CLVS1: variants seen among roughly 807,000 people sequenced by gnomAD.
CLVS1 encodes the protein clavesin-1.
A neutral mutation model predicts 33.1 loss-of-function variants in CLVS1; 10 were observed. The observed-to-expected ratio is 0.30, with a 90% CI of 0.19 to 0.51. The LOEUF (loss-of-function observed/expected upper bound fraction) is 0.51, where lower values mean the gene tolerates loss of function less well. Ranked by LOEUF, CLVS1 falls within the 20% of genes least tolerant of loss-of-function variation. CLVS1 has a pLI of 0.97. For missense variants in CLVS1, 343 were observed against 433.4 expected (o/e 0.79, Z 1.85); for synonymous variants, 163 against 166.1 (o/e 0.98, Z 0.14).
chr8:61,026,923 A>G, the CLVS1 span, among the ~76,000 whole-genome samples: 1 of 152,094 alleles, frequency 6.6e-6, no homozygotes, highest in Non-Finnish European at 1.5e-5. Flanking sequence ...TGCACTTGAA[A>G]ATTGAGGCCT....
At chr8:61,203,031 A>C in intron 2 of CLVS1, 1 of 1,330,208 alleles carries the variant, frequency 7.5e-7, no homozygotes, top group Non-Finnish European at 1.1e-6. Flanking sequence ...CTTTCAAAAA[A>C]CAGGAAAAAA....
At chr8:61,371,045 A>G (rs544075285) in intron 2 of CLVS1, among the ~76,000 whole-genome samples, 16 of 152,264 alleles carry the variant, frequency 1.1e-4, no homozygotes, top group African/African-American at 3.9e-4. Context: ...TGGTAGATCT[A>G]CTTTTATTTC....
chr8:61,152,343 A>T (rs1806555237), intron 2 of CLVS1, among the ~76,000 whole-genome samples: 1 of 152,104 alleles, frequency 6.6e-6, no homozygotes, highest in South Asian at 2.1e-4. Flanking sequence ...CTTCATCTGA[A>T]CCTAACTACC....
chr8:61,043,025 G>A, the CLVS1 span, among the ~76,000 whole-genome samples: 11,080 of 152,238 alleles, frequency 0.073, 442 homozygotes, highest in Middle Eastern at 0.12. Flanking sequence ...ATAGGTCTGA[G>A]TTGATGTTGA....
intron 2 of CLVS1, among the ~76,000 whole-genome samples, chr8:61,227,440 T>C (rs1298268691): frequency 6.6e-6 from 1 of 152,190 alleles, no homozygotes; most frequent in African/African-American, 2.4e-5. Context: ...TACATTTTCA[T>C]GAGAACTTGC....
chr8:61,308,994 C>A (rs887141758), intron 2 of CLVS1, among the ~76,000 whole-genome samples: 4 of 152,164 alleles, frequency 2.6e-5, no homozygotes, highest in Non-Finnish European at 5.9e-5. Context: ...GGTCTAAATT[C>A]AAGTTTGTTT....
At chr8:61,410,816 A>G (rs1815192243) in intron 3 of CLVS1, among the ~76,000 whole-genome samples, 1 of 151,980 alleles carries the variant, frequency 6.6e-6, no homozygotes, top group African/African-American at 2.4e-5. Flanking sequence ...TGATTTTTGT[A>G]TTTTTAGTAC....
chr8:61,400,538 T>A (rs1255787836), intron 3 of CLVS1, among the ~76,000 whole-genome samples: 2 of 152,226 alleles, frequency 1.3e-5, no homozygotes, highest in Non-Finnish European at 2.9e-5. Context: ...TTCTCTTGCC[T>A]GATTGCCCTG....
intron 5 of CLVS1, among the ~76,000 whole-genome samples, chr8:61,485,795 GGAACA>G (rs1053091934): frequency 6.6e-6 from 1 of 152,180 alleles, no homozygotes; most frequent in Non-Finnish European, 1.5e-5. Context: ...GTCCTTTGTA[GGAACA>G]TGGATGAAGC....
In CLVS1 at chr8:61,333,110, C is replaced by G. The variant is rs1208874607; in HGVS notation, c.455+32828C>G. ...TTTAATGCCATCAAAGTTTTTTCCA[C>G]TTCTTTTCATATGCATTTACTGATT... On this transcript the variant is annotated intron_variant, in intron 2 of 5. Coordinates refer to ENST00000325897, the MANE Select transcript of CLVS1 (RefSeq NM_173519.3). Among the ~76,000 whole-genome samples the G allele has an allele frequency of 2.0e-5, 3 of 152,186 alleles. No individual in the cohort carries two copies. The East Asian group carries it at 5.8e-4, about 29-fold the overall frequency.
At chr8:61,384,990 A>G (rs1357327444) in intron 3 of CLVS1, among the ~76,000 whole-genome samples, 1 of 152,122 alleles carries the variant, frequency 6.6e-6, no homozygotes, top group African/African-American at 2.4e-5. Context: ...GGTGTCATCT[A>G]GAGAGCTCTG....
chr8:61,177,672 C>A (rs1247626975), intron 2 of CLVS1, among the ~76,000 whole-genome samples: 5 of 152,096 alleles, frequency 3.3e-5, no homozygotes, highest in African/African-American at 1.2e-4. Flanking sequence ...CAAGTGACAT[C>A]TCCAGGCATG....
intron 2 of CLVS1, among the ~76,000 whole-genome samples, chr8:61,198,724 T>C (rs1807667672): frequency 6.6e-6 from 1 of 152,252 alleles, no homozygotes; most frequent in East Asian, 1.9e-4. Context: ...CCTTCCCTCC[T>C]CCCTTCTTCT....
intron 2 of CLVS1, among the ~76,000 whole-genome samples, chr8:61,228,981 T>C (rs758660984): frequency 6.6e-6 from 1 of 152,210 alleles, no homozygotes; most frequent in Non-Finnish European, 1.5e-5. Flanking sequence ...TTTTCCATAA[T>C]AGCTATAGTA....
intron 4 of CLVS1, among the ~76,000 whole-genome samples, chr8:61,456,096 G>A (rs1817145363): frequency 6.6e-6 from 1 of 152,204 alleles, no homozygotes; most frequent in Admixed American, 6.5e-5. Flanking sequence ...TGGAGCGAGA[G>A]AGAATTCCTC....
At chr8:61,446,347 A>G (rs751621511) in intron 3 of CLVS1, among the ~76,000 whole-genome samples, 2 of 152,184 alleles carry the variant, frequency 1.3e-5, no homozygotes, top group Non-Finnish European at 2.9e-5. Context: ...AAATTTTGAT[A>G]TGTCCTATGT....
At chr8:61,041,700 T>C in the CLVS1 span, among the ~76,000 whole-genome samples, 1 of 152,182 alleles carries the variant, frequency 6.6e-6, no homozygotes. Flanking sequence ...ATGCTGCCCA[T>C]TTTTGTGCAT....
intron 2 of CLVS1, among the ~76,000 whole-genome samples, chr8:61,187,449 T>C (rs6471937): frequency 0.76 from 116,015 of 152,008 alleles, 45,274 homozygotes; most frequent in Middle Eastern, 0.93. Context: ...TCAAATCAAG[T>C]CATTTAATGT....
the CLVS1 span, among the ~76,000 whole-genome samples, chr8:61,037,263 A>T: frequency 6.6e-6 from 1 of 152,082 alleles, no homozygotes; most frequent in Admixed American, 6.5e-5. Flanking sequence ...GAATCTCTGT[A>T]CCCATTAAAC....
Sources: gnomAD v4.1 joint callset for allele counts (sites outside exome capture counted in the v4.1 genomes callset) on GRCh38, gnomAD v4.1.1 for gene constraint, MANE v1.5 for transcripts, NCBI Gene and HGNC (gene_info 2026-07-23, HGNC 2026-07-21) for gene names.